GRM7: variants seen among roughly 807,000 people sequenced by gnomAD.
GRM7 encodes the protein metabotropic glutamate receptor 7.
GRM7 carries 35 observed loss-of-function variants against 84.5 expected under a neutral mutation model. The ratio of observed to expected loss-of-function variants is 0.41; its 90% CI spans 0.32 to 0.55. The LOEUF (loss-of-function observed/expected upper bound fraction) is 0.55. GRM7 is among the 20% of genes least tolerant of loss of function. The probability of loss-of-function intolerance (pLI) is 0.19; values close to 1 mark genes in which losing one functional copy is unlikely to be tolerated. For missense variants in GRM7, 1,003 were observed against 1,194.6 expected, an observed-to-expected ratio of 0.84 and a Z score of 2.36; for synonymous variants, 487 against 455.1, an observed-to-expected ratio of 1.07 and a Z score of -0.89.
At chr3:6,900,273 A>G (rs547786453) in intron 1 of GRM7, among the ~76,000 whole-genome samples, 11 of 152,302 alleles carry the variant, frequency 7.2e-5, no homozygotes, top group African/African-American at 2.6e-4. Context: ...CAGCCTGGAA[A>G]GTGTTGCAGA....
chr3:7,693,746 A>T, intron 9 of GRM7: 1 of 992,700 alleles, frequency 1.0e-6, no homozygotes, highest in Non-Finnish European at 1.5e-6. Flanking sequence ...CCAGCCCACC[A>T]ATGAACTTAA....
Position 7,333,173 on chromosome 3 carries a change from C to G in GRM7, c.1033+26521C>G, listed in dbSNP as rs1701276088. ...TGAGTCTGCCCACATGACAACTTCT[C>G]TGCTAGCATAACCAACATTTGAGAA... is the stretch of plus-strand genomic sequence containing the variant. On this transcript the variant is annotated intron_variant, in intron 4 of 9. Coordinates refer to ENST00000357716, the MANE Select transcript of GRM7 (RefSeq NM_000844.4). Among the ~76,000 whole-genome samples, 5 of 152,306 alleles carry G rather than the reference C, an allele frequency of 3.3e-5. No individual in the cohort carries two copies. In the South Asian group the frequency reaches 8.3e-4, roughly 25 times the overall value.
intron 4 of GRM7, among the ~76,000 whole-genome samples, chr3:7,404,756 G>C (rs1391921172): frequency 6.6e-6 from 1 of 151,542 alleles, no homozygotes; most frequent in African/African-American, 2.4e-5. Context: ...TCCAGTTGGA[G>C]ATCATAGAAA....
At chr3:6,913,128 G>T (rs1192435108) in intron 1 of GRM7, among the ~76,000 whole-genome samples, 1 of 152,040 alleles carries the variant, frequency 6.6e-6, no homozygotes. Context: ...AATATATCTT[G>T]TAACTCCTAT....
intron 7 of GRM7, among the ~76,000 whole-genome samples, chr3:7,528,143 C>T (rs1041641267): frequency 3.3e-5 from 5 of 151,906 alleles, no homozygotes; most frequent in African/African-American, 1.2e-4. Flanking sequence ...TGTTAATCCA[C>T]GTAGTCCAGG....
At chr3:7,590,979 G>GT (rs1368163674) in intron 8 of GRM7, among the ~76,000 whole-genome samples, 2 of 152,172 alleles carry the variant, frequency 1.3e-5, no homozygotes, top group African/African-American at 4.8e-5. Context: ...CTGGTACCTA[G>GT]TAAGTGCTCA....
chr3:7,005,628 G>T (rs1695155681), intron 1 of GRM7, among the ~76,000 whole-genome samples: 1 of 152,204 alleles, frequency 6.6e-6, no homozygotes, highest in East Asian at 1.9e-4. Flanking sequence ...AGAATTGTAT[G>T]ATTTTAGATA....
At chr3:7,516,219 C>A (rs1408000964) in intron 7 of GRM7, among the ~76,000 whole-genome samples, 1 of 144,686 alleles carries the variant, frequency 6.9e-6, no homozygotes, top group Non-Finnish European at 1.5e-5. Flanking sequence ...CGCCTGTAAT[C>A]CCAGCACTTC....
At position 7,474,440 on chromosome 3, in the gene GRM7, CAA is replaced by C. The variant is rs35884021; in HGVS notation, c.1515+12733_1515+12734del. Reference sequence around the variant, plus strand: ...CATCATGTGTACAAATAGCTTTTCTCAAAAAAAAAAAAAAAATTGACAATTGA... The same window carrying C: ...CATCATGTGTACAAATAGCTTTTCTCAAAAAAAAAAAAAATTGACAATTGA... On this transcript the variant is annotated intron_variant, in intron 7 of 9. Transcript: ENST00000357716. Among the ~76,000 whole-genome samples, 990 of 140,112 alleles carry C rather than the reference CAA, an allele frequency of 7.1e-3. 9 individuals carry two copies. The highest frequency in any genetic ancestry group is 0.022 in the African/African-American group (836 of 38,580). The allele number at this position is 140,112 out of a possible 152,430, so 91.9% of individuals were successfully genotyped here. A position where few individuals can be genotyped will look rare whatever the true frequency, so the allele number is the denominator to read the frequency against.
rs560271356 is a variant in GRM7, at chr3:7,216,812, T to C, written c.736+70144T>C. Among the ~76,000 whole-genome samples, 3 of 152,306 alleles carry C rather than the reference T, an allele frequency of 2.0e-5. No individual in the cohort carries two copies. In the East Asian group the frequency reaches 5.8e-4, roughly 29 times the overall value. On this transcript the variant is annotated intron_variant, in intron 2 of 9. Transcript: ENST00000357716. ...GTTGATGTTGCTTTCATTAGAAACA[T>C]AGTGAACCAAATGATTGTTTAATGG...
chr3:7,341,048 A>T (rs557193588), intron 4 of GRM7, among the ~76,000 whole-genome samples: 3 of 152,196 alleles, frequency 2.0e-5, no homozygotes, highest in Non-Finnish European at 4.4e-5. Context: ...AAGAAAGGCC[A>T]TACAGACAAT....
intron 7 of GRM7, among the ~76,000 whole-genome samples, chr3:7,562,976 C>G (rs1694093764): frequency 6.6e-6 from 1 of 151,910 alleles, no homozygotes; most frequent in South Asian, 2.1e-4. Flanking sequence ...AAAAGGGAAA[C>G]AAGAGATTCA....
In GRM7 at chr3:7,565,293, C is replaced by T. The variant is rs140828122; in HGVS notation, c.1516-13129C>T. Reference sequence around the variant, plus strand: ...TCCAGCAATTCAATTGCATTTCTTCCCAGATATTGAATTACAATAGTGGAC... The same window carrying T: ...TCCAGCAATTCAATTGCATTTCTTCTCAGATATTGAATTACAATAGTGGAC... On this transcript the variant is annotated intron_variant, in intron 7 of 9. Transcript: ENST00000357716. Among the ~76,000 whole-genome samples, 346 of 152,202 alleles carry T rather than the reference C, an allele frequency of 2.3e-3. 14 individuals carry two copies. The East Asian group carries it at 0.06, about 26-fold the overall frequency.
At chr3:7,131,292 C>T (rs963633466) in intron 1 of GRM7, among the ~76,000 whole-genome samples, 2 of 151,970 alleles carry the variant, frequency 1.3e-5, no homozygotes, top group African/African-American at 2.4e-5. Context: ...ACAGGGCCCT[C>T]GTTAAACAAT....
chr3:7,051,745 A>G (rs960517112), intron 1 of GRM7, among the ~76,000 whole-genome samples: 1 of 151,734 alleles, frequency 6.6e-6, no homozygotes, highest in African/African-American at 2.4e-5. Flanking sequence ...TAAAGTGCAA[A>G]AGATGTCTTG....
chr3:7,029,804 G>A (rs780916659), intron 1 of GRM7, among the ~76,000 whole-genome samples: 11 of 152,146 alleles, frequency 7.2e-5, no homozygotes, highest in East Asian at 3.9e-4. Context: ...TTACGCAATC[G>A]TGCTAACATG....
At chr3:7,701,257 G>A (rs1449349996) in intron 9 of GRM7, among the ~76,000 whole-genome samples, 3 of 151,178 alleles carry the variant, frequency 2.0e-5, no homozygotes, top group Non-Finnish European at 4.4e-5. Context: ...GCCACTGGAG[G>A]CCTGGTTTTG....
At chr3:7,679,876 G>A (rs1418212105) in intron 8 of GRM7, among the ~76,000 whole-genome samples, 173 bp from the exon 9 acceptor site, 6 of 152,194 alleles carry the variant, frequency 3.9e-5, no homozygotes, top group African/African-American at 1.4e-4. Context: ...ATTAATACAT[G>A]CATATGCTCT....
At chr3:7,071,294 T>G (rs1697873954) in intron 1 of GRM7, among the ~76,000 whole-genome samples, 1 of 152,168 alleles carries the variant, frequency 6.6e-6, no homozygotes, top group Non-Finnish European at 1.5e-5. Context: ...CAGCATTTTT[T>G]GGTCACTCTT....
Sources: allele counts gnomAD v4.1 joint callset (sites outside exome capture counted in the v4.1 genomes callset), GRCh38; gene constraint gnomAD v4.1.1; transcripts MANE v1.5; gene names NCBI Gene and HGNC (gene_info 2026-07-23, HGNC 2026-07-21).